LARGE1: variants seen among roughly 807,000 people sequenced by gnomAD.
The protein encoded by LARGE1 is xylosyl- and glucuronyltransferase LARGE1.
In LARGE1, 43 loss-of-function variants were observed where a neutral mutation model predicts 87.6. The observed-to-expected ratio is 0.49, with a 90% CI of 0.38 to 0.63. The LOEUF is 0.63. Ranked by LOEUF, LARGE1 falls within the 30% of genes least tolerant of loss-of-function variation. The pLI is 0.00. For missense variants in LARGE1, 802 were observed against 1,000.2 expected, an observed-to-expected ratio of 0.80 and a Z score of 2.67; for synonymous variants, 434 against 394.6, an observed-to-expected ratio of 1.10 and a Z score of -1.18.
chr22:33,411,545 C>T (rs763047988), intron 7 of LARGE1, among the ~76,000 whole-genome samples: 7 of 152,284 alleles, frequency 4.6e-5, no homozygotes, highest in Non-Finnish European at 1.0e-4. Context: ...TAAACTGACA[C>T]ATTTGGCAAA....
intron 2 of LARGE1, among the ~76,000 whole-genome samples, chr22:33,676,405 G>T (rs985423976): frequency 3.3e-5 from 1 of 30,308 alleles, no homozygotes; most frequent in African/African-American, 8.8e-5. Flanking sequence ...AAAAAAAAAA[G>T]CTGGCTGGTT....
chr22:33,881,739 G>C (rs150729442), intron 1 of LARGE1, among the ~76,000 whole-genome samples: 2 of 152,260 alleles, frequency 1.3e-5, no homozygotes, highest in Non-Finnish European at 2.9e-5. Flanking sequence ...CTCATGTTAA[G>C]CCTTGCGGTT....
At chr22:33,423,213 A>G (rs2066757512) in intron 7 of LARGE1, among the ~76,000 whole-genome samples, 1 of 152,174 alleles carries the variant, frequency 6.6e-6, no homozygotes, top group South Asian at 2.1e-4. Context: ...GTCACAGTGA[A>G]GACAGTTCTA....
At chr22:33,654,244 T>C (rs1004156087) in intron 2 of LARGE1, among the ~76,000 whole-genome samples, 2 of 152,240 alleles carry the variant, frequency 1.3e-5, no homozygotes, top group African/African-American at 4.8e-5. Context: ...TGTGCCCAAC[T>C]GCTGGCATGG....
chr22:33,753,726 T>G (rs1186220532), intron 2 of LARGE1, among the ~76,000 whole-genome samples: 1 of 152,110 alleles, frequency 6.6e-6, no homozygotes, highest in African/African-American at 2.4e-5. Flanking sequence ...CCTAGCAGGA[T>G]AGCCAATATT....
chr22:33,246,577 T>A (rs998213000), intron 11 of LARGE1, among the ~76,000 whole-genome samples: 28 of 151,862 alleles, frequency 1.8e-4, no homozygotes, highest in Non-Finnish European at 3.5e-4. Context: ...ACCCAAGAGG[T>A]GGAGGTTGCA....
At chr22:33,676,689 G>T (rs1336929098) in intron 2 of LARGE1, among the ~76,000 whole-genome samples, 4 of 152,070 alleles carry the variant, frequency 2.6e-5, no homozygotes, top group Non-Finnish European at 5.9e-5. Context: ...TTGAACAGGG[G>T]TTGGCAAACT....
rs538483753 is a variant in LARGE1 at position 33,715,243 on chromosome 22, T to C, written c.106+46128A>G. The stretch of plus-strand genomic sequence containing the variant: ...GGCCTACAACCCAGAGTTACCTGCC[T>C]ATCACCACAGGCGTTTCTCATGTCT... On this transcript the variant is annotated intron_variant, in intron 2 of 14. Transcript: ENST00000397394. Among the ~76,000 whole-genome samples the C allele has an allele frequency of 7.2e-5, 11 of 152,350 alleles. 1 individual carries two copies. The South Asian group carries it at 2.3e-3, about 32-fold the overall frequency.
chr22:33,554,279 T>A (rs2077612583), intron 6 of LARGE1, among the ~76,000 whole-genome samples: 1 of 152,178 alleles, frequency 6.6e-6, no homozygotes, highest in African/African-American at 2.4e-5. Context: ...AAATCCCCTC[T>A]GCTGTCCCTG....
chr22:33,233,551 G>C (rs757162800), intron 11 of LARGE1, among the ~76,000 whole-genome samples: 2 of 152,082 alleles, frequency 1.3e-5, no homozygotes, highest in Non-Finnish European at 2.9e-5. Context: ...TCAGACCATG[G>C]AGAATGCATG....
chr22:33,684,635 A>G (rs1286344514), intron 2 of LARGE1, among the ~76,000 whole-genome samples: 1 of 152,164 alleles, frequency 6.6e-6, no homozygotes, highest in Non-Finnish European at 1.5e-5. Context: ...CTGTGTGCAT[A>G]ATGATAAGTT....
In LARGE1 at chr22:33,338,682, T is replaced by C. The variant is rs139880356; in HGVS notation, c.1132-881A>G. On this transcript the variant is annotated intron_variant, in intron 9 of 14. Transcript: ENST00000397394. ...AAGCATGTAAATAATGCCTAGCACA[T>C]GGTAAGTGCTCAGTAGATGCTGGTT... Among the ~76,000 whole-genome samples, 453 of 152,224 alleles carry C rather than the reference T, an allele frequency of 3.0e-3. 2 individuals are homozygous for C. The highest frequency in any genetic ancestry group is 0.011 in the African/African-American group (440 of 41,528).
At chr22:33,377,429 TCCTTTA>T (rs539565430) in intron 9 of LARGE1, among the ~76,000 whole-genome samples, 104 of 152,330 alleles carry the variant, frequency 6.8e-4, no homozygotes, top group African/African-American at 2.5e-3. Context: ...ACCTTTATCT[TCCTTTA>T]CCTCCCTGGG....
intron 7 of LARGE1, among the ~76,000 whole-genome samples, chr22:33,388,350 C>T (rs1391868864): frequency 2.0e-5 from 3 of 152,300 alleles, no homozygotes; most frequent in East Asian, 1.9e-4. Context: ...GTGTTGAAGG[C>T]GCTCCTTGTC....
intron 6 of LARGE1, among the ~76,000 whole-genome samples, chr22:33,486,551 G>A (rs1185945278): frequency 1.3e-5 from 2 of 152,036 alleles, no homozygotes; most frequent in East Asian, 1.9e-4. Context: ...AGAGAGGAGA[G>A]CGCACACCAG....
At chr22:33,555,641 T>C (rs1033824875) in intron 6 of LARGE1, among the ~76,000 whole-genome samples, 4 of 151,920 alleles carry the variant, frequency 2.6e-5, no homozygotes, top group East Asian at 3.9e-4. Context: ...GAAAAGTAGA[T>C]TGAAGGGCCA....
At chr22:33,744,838 G>A (rs572552245) in intron 2 of LARGE1, among the ~76,000 whole-genome samples, 26 of 152,324 alleles carry the variant, frequency 1.7e-4, no homozygotes, top group African/African-American at 5.5e-4. Flanking sequence ...GGGTGAGAAC[G>A]TGGGCTCCAG....
chr22:33,570,804 C>A lies in LARGE1; in HGVS notation c.616-5785G>T, dbSNP rs1002446956. Among the ~76,000 whole-genome samples, 3 of 152,056 alleles carry A rather than the reference C, an allele frequency of 2.0e-5. No individual in the cohort carries two copies. The East Asian group carries it at 5.8e-4, about 29-fold the overall frequency. On this transcript the variant is annotated intron_variant, in intron 5 of 14. Transcript: ENST00000397394. ...GCCATGCAACCTTTTGGGGCAGTCTCTCCATGCAATCCACACTGGTATTAA... is the reference window on the plus strand; with the variant it reads ...GCCATGCAACCTTTTGGGGCAGTCTATCCATGCAATCCACACTGGTATTAA...
chr22:33,093,202 A>G, the LARGE1 span, among the ~76,000 whole-genome samples: 1 of 152,358 alleles, frequency 6.6e-6, no homozygotes, highest in South Asian at 2.1e-4. Flanking sequence ...CTCTGCAATG[A>G]GTCTGACTTT....
Sources: allele counts gnomAD v4.1 joint callset (sites outside exome capture counted in the v4.1 genomes callset), GRCh38; gene constraint gnomAD v4.1.1; transcripts MANE v1.5; gene names NCBI Gene and HGNC (gene_info 2026-07-23, HGNC 2026-07-21).